The following EIF3B variants were observed in gnomAD, a reference collection of about 807,000 sequenced individuals.
The protein encoded by EIF3B is eukaryotic translation initiation factor 3 subunit B, also known as eukaryotic translation initiation factor 3 subunit 9.
Under a neutral mutation model 104.6 loss-of-function variants are expected in EIF3B, and 10 were observed. That is an observed-to-expected ratio of 0.10 (90% CI 0.06 to 0.16). EIF3B has a LOEUF of 0.16. EIF3B is among the 10% of genes least tolerant of loss of function. EIF3B has a pLI of 1.00. For missense variants in EIF3B, 1,014 were observed against 1,087.9 expected (o/e 0.93, Z 0.96); for synonymous variants, 542 against 417.2 (o/e 1.30, Z -3.65).
At chr7:2,373,960 AG>A (rs1244167344) in intron 12 of EIF3B, 7 of 152,242 alleles carry the variant, frequency 4.6e-5, no homozygotes, top group African/African-American at 1.7e-4. Context: ...CCACAGGCTG[AG>A]GGGAGAGAGG....
At position 2,378,642 on chromosome 7, in the gene EIF3B, T is replaced by G. The variant is rs748453113; in HGVS notation, c.2155-47T>G. ...GCAACTCTGAAGATTGCATTTGTGC[T>G]TGTTGCTTTGAATGTTAAATCCTGA... On this transcript the variant is annotated intron_variant, in intron 15 of 18. Coordinates refer to ENST00000360876, the MANE Select transcript of EIF3B (RefSeq NM_001037283.2). 7 of 1,548,500 alleles carry G rather than the reference T, an allele frequency of 4.5e-6. No individual in the cohort carries two copies. The South Asian group carries it at 6.7e-5, about 15-fold the overall frequency.
At chr7:2,377,498 GAT>G in intron 15 of EIF3B, among the ~76,000 whole-genome samples, 2 of 139,820 alleles carry the variant, frequency 1.4e-5, no homozygotes, top group African/African-American at 5.5e-5. Context: ...GCGCTCCTGG[GAT>G]GCTGTGTTGT....
intron 9 of EIF3B, among the ~76,000 whole-genome samples, chr7:2,368,203 C>A (rs952620659): frequency 6.6e-6 from 1 of 152,084 alleles, no homozygotes; most frequent in African/African-American, 2.4e-5. Flanking sequence ...AGTACAGTGG[C>A]GTGATCTCGG....
At chr7:2,361,396 A>G (rs1231830974) in intron 2 of EIF3B, among the ~76,000 whole-genome samples, 2 of 152,194 alleles carry the variant, frequency 1.3e-5, no homozygotes, top group Non-Finnish European at 2.9e-5. Flanking sequence ...CTCGTGTTAT[A>G]ATGAAACATT....
Position 2,369,553 on chromosome 7 carries a change from G to C in EIF3B, c.1485G>C (p.Leu495=). 1 of 1,614,156 alleles carries C rather than the reference G, an allele frequency of 6.2e-7. No individual in the cohort carries two copies. The highest frequency in any genetic ancestry group is 1.1e-5 in the South Asian group (1 of 91,086). ...EDKDIPARVT[L]MQLPTRQEIR... ...AAGATATTCCAGCCAGGGTAACCCT[G>C]ATGCAGCTCCCTACCAGGCAAGAGA... The change falls in exon 10 of 19, where the codon CTG becomes CTC. Residue 495 remains leucine, a synonymous_variant. Coordinates refer to ENST00000360876, the MANE Select transcript of EIF3B (RefSeq NM_001037283.2).
intron 7 of EIF3B, 33 bp from the exon 8 acceptor site, chr7:2,366,492 A>G (rs1212977192): frequency 1.2e-6 from 2 of 1,614,092 alleles, no homozygotes; most frequent in Non-Finnish European, 1.7e-6. Context: ...TTGTCTTTTC[A>G]TGGGAATACC....
chr7:2,371,643 C>T (rs1310722663), intron 10 of EIF3B, 134 bp from the exon 11 acceptor site: 1 of 712,344 alleles, frequency 1.4e-6, no homozygotes, highest in Non-Finnish European at 2.5e-6. Flanking sequence ...CTGTGGCTTT[C>T]ATCACTGCAC....
At chr7:2,358,863 A>G (rs1779593171) in intron 1 of EIF3B, among the ~76,000 whole-genome samples, 1 of 152,200 alleles carries the variant, frequency 6.6e-6, no homozygotes, top group African/African-American at 2.4e-5. Context: ...GCTTTCCAGC[A>G]GCCCTGCGAG....
At chr7:2,373,011 C>A in intron 12 of EIF3B, 1 of 385,738 alleles carries the variant, frequency 2.6e-6, no homozygotes. Flanking sequence ...TGAGCCCTCA[C>A]GTTTAAGCGA....
chr7:2,375,239 C>A, intron 13 of EIF3B, 150 bp from the exon 14 acceptor site: 1 of 870,638 alleles, frequency 1.1e-6, no homozygotes, highest in Non-Finnish European at 1.9e-6. Context: ...GTAAGTCTCA[C>A]AGCGGCCACC....
rs1478768152 is a variant in EIF3B, at chr7:2,366,326, G to T, written c.1167G>T (p.Val389=). 2 of 1,607,256 alleles carry T rather than the reference G, an allele frequency of 1.2e-6. No individual in the cohort carries two copies. Among genetic ancestry groups the T allele is most frequent in the South Asian group, 2.2e-5 (2 of 90,004 alleles). Residue 389 remains valine, a synonymous_variant, in exon 7 of 19, where the codon GTG becomes GTT. Coordinates refer to ENST00000360876, the MANE Select transcript of EIF3B (RefSeq NM_001037283.2). The part of the protein sequence containing the change: ...IDFSPCERYL[V]TFSPLMDTQD... Reference sequence around the variant, plus strand: ...TGCCCTTCTCTTCTAGGTACCTGGTGACCTTTAGCCCCCTGATGGACACGC... The same window carrying T: ...TGCCCTTCTCTTCTAGGTACCTGGTTACCTTTAGCCCCCTGATGGACACGC...
At chr7:2,375,072 AAAG>A in intron 13 of EIF3B, 1 of 403,842 alleles carries the variant, frequency 2.5e-6, no homozygotes, top group Non-Finnish European at 4.6e-6. Context: ...CTCTGAGTTA[AAAG>A]AATACCCTTT....
intron 12 of EIF3B, chr7:2,374,276 T>G: frequency 2.6e-6 from 1 of 387,618 alleles, no homozygotes; most frequent in Non-Finnish European, 4.8e-6. Context: ...CTTTGTCCAG[T>G]TACCTCAGGA....
intron 8 of EIF3B, 104 bp from the exon 9 acceptor site, chr7:2,366,895 G>A (rs935919947): frequency 7.1e-6 from 9 of 1,265,370 alleles, no homozygotes; most frequent in Non-Finnish European, 9.1e-6. Flanking sequence ...TGCCCCCTAG[G>A]CAAACTCACA....
In EIF3B at chr7:2,355,105, C is replaced by A; in HGVS notation, c.184C>A (p.Pro62Thr). Residue 62 changes from proline (P) to threonine (T), a missense_variant, in exon 1 of 19, where the codon CCG (proline) becomes ACG (threonine). Coordinates refer to ENST00000360876, the MANE Select transcript of EIF3B (RefSeq NM_001037283.2). ...SEEVGIAEAG[P>T]ESEVRTEPAA... is the part of the protein sequence containing the mutation. ...GGAGGTGGGGATCGCGGAGGCCGGGCCGGAGTCCGAGGTGAGGACCGAGCC... is the reference window on the plus strand; with the variant it reads ...GGAGGTGGGGATCGCGGAGGCCGGGACGGAGTCCGAGGTGAGGACCGAGCC... 4.4e-6 allele frequency: 6 copies of A among 1,354,498 alleles called. No individual in the cohort carries two copies. The African/African-American group carries it at 7.7e-5, about 17-fold the overall frequency. 83.9% of individuals were successfully genotyped at this position (1,354,498 alleles called of 1,614,324 possible).
At chr7:2,366,253 C>G in intron 6 of EIF3B, 64 bp from the exon 7 acceptor site, 1 of 1,506,118 alleles carries the variant, frequency 6.6e-7, no homozygotes, top group Non-Finnish European at 8.9e-7. Flanking sequence ...GTTCTGGCCG[C>G]ACAGACAGAC....
chr7:2,363,579 G>A, intron 4 of EIF3B, 53 bp from the exon 5 acceptor site: 1 of 1,516,740 alleles, frequency 6.6e-7, no homozygotes, highest in Non-Finnish European at 9.0e-7. Context: ...AGTTGTGAAT[G>A]AGTTTTTTAT....
chr7:2,364,832 A>T (rs1365762518), intron 6 of EIF3B, among the ~76,000 whole-genome samples: 1 of 152,242 alleles, frequency 6.6e-6, no homozygotes, highest in Non-Finnish European at 1.5e-5. Context: ...TACTGACTTC[A>T]GGGATTTACC....
chr7:2,365,901 G>C (rs970153658), intron 6 of EIF3B, among the ~76,000 whole-genome samples: 2 of 152,020 alleles, frequency 1.3e-5, no homozygotes, highest in Admixed American at 6.6e-5. Flanking sequence ...GGCCAAGCTT[G>C]TCTTAAACTC....
Sources: gnomAD v4.1 joint callset for allele counts (sites outside exome capture counted in the v4.1 genomes callset) on GRCh38, gnomAD v4.1.1 for gene constraint, MANE v1.5 for transcripts, NCBI Gene and HGNC (gene_info 2026-07-23, HGNC 2026-07-21) for gene names.